MYCBP2: variants seen among roughly 807,000 people sequenced by gnomAD.
MYCBP2 encodes MYC binding protein 2.
MYCBP2 carries 120 observed loss-of-function variants against 525.3 expected under a neutral mutation model. The observed-to-expected ratio is 0.23, with a 90% CI of 0.20 to 0.27. The LOEUF (loss-of-function observed/expected upper bound fraction) is 0.27. MYCBP2 is among the 10% of genes least tolerant of loss of function. The pLI is 1.00. For synonymous variants in MYCBP2, 1,894 were observed against 1,955.8 expected (o/e 0.97, Z 0.83); for missense variants, 4,149 against 5,657.1 (o/e 0.73, Z 8.55).
intron 26 of MYCBP2, among the ~76,000 whole-genome samples, chr13:77,200,731 C>A (rs1382595612): frequency 6.6e-6 from 1 of 152,054 alleles, no homozygotes; most frequent in Non-Finnish European, 1.5e-5. Context: ...GAGTGGGGGC[C>A]AATATTCAAC....
chr13:77,093,015 T>C, intron 59 of MYCBP2, 150 bp downstream of exon 59: 1 of 656,342 alleles, frequency 1.5e-6, no homozygotes. Context: ...CTTACCTTAG[T>C]CATACATGTA....
At chr13:77,195,591 T>TAA (rs36069703) in intron 26 of MYCBP2, among the ~76,000 whole-genome samples, 2 of 151,212 alleles carry the variant, frequency 1.3e-5, no homozygotes, top group Non-Finnish European at 1.5e-5. Context: ...AAGAGACTCT[T>TAA]AAAAAAAAAT....
At position 77,190,245 on chromosome 13, in the gene MYCBP2, T is replaced by C; in HGVS notation, c.4154+7A>G. On this transcript the variant is annotated splice_region_variant and intron_variant, in intron 29 of 82. Transcript: ENST00000544440. Reference sequence around the variant, plus strand: ...CCATACTAATTCAGTATAAATATGCTAAATACCTGTATAATAACTGAGGTA... The same window carrying C: ...CCATACTAATTCAGTATAAATATGCCAAATACCTGTATAATAACTGAGGTA... 1 of 1,553,508 alleles carries C rather than the reference T, an allele frequency of 6.4e-7. No homozygotes were observed. The highest frequency in any genetic ancestry group is 8.9e-7 in the Non-Finnish European group (1 of 1,128,384).
chr13:77,316,839 C>T (rs1299029806), intron 1 of MYCBP2, among the ~76,000 whole-genome samples: 1 of 152,172 alleles, frequency 6.6e-6, no homozygotes, highest in East Asian at 1.9e-4. Flanking sequence ...CAAGAGACAC[C>T]TTATAGATCA....
chr13:77,314,252 C>A (rs2080646062), intron 1 of MYCBP2, among the ~76,000 whole-genome samples: 1 of 152,166 alleles, frequency 6.6e-6, no homozygotes, highest in Non-Finnish European at 1.5e-5. Flanking sequence ...TAAAAACATA[C>A]AATGTCATTT....
At position 77,139,450 on chromosome 13, in the gene MYCBP2, C is replaced by G. The variant is rs576810141; in HGVS notation, c.7519-114G>C. 1.3e-4 allele frequency: 154 copies of G among 1,180,556 alleles called. 4 individuals carry two copies. In the South Asian group the frequency reaches 3.3e-3, roughly 25 times the overall value. 73.1% of individuals were successfully genotyped at this position (1,180,556 alleles called of 1,614,324 possible). A position where few individuals can be genotyped will look rare whatever the true frequency, so the allele number is the denominator to read the frequency against. On this transcript the variant is annotated intron_variant, in intron 51 of 82. Transcript: ENST00000544440. ...GATGGTGCATGTGCAGATTAAGCAT[C>G]TAGTTTTTGCAGAAAGTAAGTCTGA...
chr13:77,263,430 C>T (rs187005718), intron 10 of MYCBP2, among the ~76,000 whole-genome samples: 499 of 152,030 alleles, frequency 3.3e-3, no homozygotes, highest in Non-Finnish European at 5.8e-3. Context: ...AATTATTAGT[C>T]AATTCCTTAG....
At chr13:77,248,797 AG>A (rs143351131) in intron 15 of MYCBP2, among the ~76,000 whole-genome samples, 3,063 of 152,338 alleles carry the variant, frequency 0.02, 55 homozygotes, top group Middle Eastern at 0.068. Flanking sequence ...AGGGTCTCAA[AG>A]AGCTCCTTGT....
chr13:77,244,197 G>A (rs1594273745), intron 15 of MYCBP2, among the ~76,000 whole-genome samples: 1 of 152,178 alleles, frequency 6.6e-6, no homozygotes, highest in Non-Finnish European at 1.5e-5. Flanking sequence ...AATACACACA[G>A]ATTCGACTAT....
At chr13:77,268,881 T>G (rs2074466432) in intron 7 of MYCBP2, among the ~76,000 whole-genome samples, 1 of 152,226 alleles carries the variant, frequency 6.6e-6, no homozygotes, top group South Asian at 2.1e-4. Context: ...TCAAAAGACT[T>G]TCAAATATCT....
At chr13:77,154,046 A>G (rs2056898658) in intron 46 of MYCBP2, among the ~76,000 whole-genome samples, 1 of 152,236 alleles carries the variant, frequency 6.6e-6, no homozygotes, top group Non-Finnish European at 1.5e-5. Flanking sequence ...TATGCTTCAA[A>G]TAATTAGCTA....
At chr13:77,123,569 G>C (rs1394931121) in intron 54 of MYCBP2, among the ~76,000 whole-genome samples, 2 of 152,130 alleles carry the variant, frequency 1.3e-5, no homozygotes, top group Non-Finnish European at 2.9e-5. Context: ...AATTTATGTG[G>C]TTATGACCTA....
Position 77,251,290 on chromosome 13 carries a change from C to T in MYCBP2, c.2242G>A (p.Asp748Asn). 1.2e-6 allele frequency: 2 copies of T among 1,614,210 alleles called. No homozygotes were observed. The highest frequency in any genetic ancestry group is 1.7e-6 in the Non-Finnish European group (2 of 1,180,034). The change falls in exon 15 of 83, where the codon GAT becomes AAT. Residue 748 changes from aspartate to asparagine, a missense_variant. By Grantham distance (23) the Asp-to-Asn change is conservative. This residue lies in a region of MYCBP2 where 620 missense variants were observed against 795.5 expected (regional missense o/e 0.78). Coordinates refer to ENST00000544440, the MANE Select transcript of MYCBP2 (RefSeq NM_015057.5). ...GGAGGGCACATCATAGACTTCTCAT[C>T]TTTTTCATCTAGTTCTTCTTCCAGG... ...EDLEEELDEK[D>N]EKSMMCPPGM...
At chr13:77,286,465 T>C (rs1373020830) in intron 3 of MYCBP2, among the ~76,000 whole-genome samples, 6 of 151,704 alleles carry the variant, frequency 4.0e-5, no homozygotes, top group South Asian at 2.1e-4. Flanking sequence ...AAAAAATATA[T>C]ATAACAGGCT....
rs1009423609 is a variant in MYCBP2 at position 77,184,225 on chromosome 13, T to C, written c.4719+878A>G. On this transcript the variant is annotated intron_variant, in intron 32 of 82. Transcript: ENST00000544440. ...ATGTGAAACATTTTAAAATTTCCTTTATAACTTCTTCTTTGATCAACTGCT... is the reference window on the plus strand; with the variant it reads ...ATGTGAAACATTTTAAAATTTCCTTCATAACTTCTTCTTTGATCAACTGCT... Among the ~76,000 whole-genome samples the C allele has an allele frequency of 5.9e-5, 9 of 152,358 alleles. No individual in the cohort carries two copies. The East Asian group carries it at 1.7e-3, about 29-fold the overall frequency.
At chr13:77,229,066 A>G (rs2066755931) in intron 18 of MYCBP2, among the ~76,000 whole-genome samples, 1 of 152,164 alleles carries the variant, frequency 6.6e-6, no homozygotes, top group East Asian at 1.9e-4. Flanking sequence ...GTAAACAATT[A>G]AATACCACAG....
chr13:77,172,524 T>A (rs1346032173), intron 37 of MYCBP2, among the ~76,000 whole-genome samples: 1 of 152,098 alleles, frequency 6.6e-6, no homozygotes, highest in Non-Finnish European at 1.5e-5. Flanking sequence ...AGACCAATAG[T>A]GAAAGGAGGG....
At chr13:77,213,768 C>T (rs535455475) in intron 21 of MYCBP2, among the ~76,000 whole-genome samples, 10 of 152,176 alleles carry the variant, frequency 6.6e-5, no homozygotes, top group Non-Finnish European at 1.5e-4. Flanking sequence ...CAAATCTTAT[C>T]ACTCACATAA....
intron 24 of MYCBP2, 75 bp downstream of exon 24, chr13:77,206,578 T>A (rs559048286): frequency 7.8e-7 from 1 of 1,274,518 alleles, no homozygotes; most frequent in African/African-American, 1.5e-5. Flanking sequence ...TACATATAAA[T>A]TTAAATACTC....
Sources: gnomAD v4.1 joint callset for allele counts (sites outside exome capture counted in the v4.1 genomes callset) on GRCh38, gnomAD v4.1.1 for gene constraint, gnomAD v4.1.1 regional missense constraint, MANE v1.5 for transcripts, NCBI Gene and HGNC (gene_info 2026-07-23, HGNC 2026-07-21) for gene names.